SLC39A11: variants seen among roughly 807,000 people sequenced by gnomAD.
The protein encoded by SLC39A11 is zinc transporter ZIP11.
A neutral mutation model predicts 36.1 loss-of-function variants in SLC39A11; 33 were observed. That is an observed-to-expected ratio of 0.91 (90% CI 0.69 to 1.22). SLC39A11 has a LOEUF of 1.22. Among genes scored for constraint, SLC39A11 ranks in the 50% most tolerant of loss-of-function variants. The pLI is 0.00. For missense variants in SLC39A11, 432 were observed against 430.3 expected (o/e 1.00, Z -0.03); for synonymous variants, 166 against 170.3 (o/e 0.97, Z 0.20).
intron 3 of SLC39A11, among the ~76,000 whole-genome samples, chr17:73,037,628 G>A (rs1030422249): frequency 2.6e-5 from 4 of 152,200 alleles, no homozygotes; most frequent in African/African-American, 7.2e-5. Flanking sequence ...GGCCATCGCT[G>A]AAGACACCAG....
chr17:72,873,657 CCT>C (rs760569079), intron 5 of SLC39A11, among the ~76,000 whole-genome samples: 14 of 152,240 alleles, frequency 9.2e-5, no homozygotes, highest in Non-Finnish European at 1.6e-4. Context: ...TTTCCCACCC[CCT>C]GACTCTAGCA....
chr17:72,979,015 C>A (rs1158595369), intron 4 of SLC39A11, among the ~76,000 whole-genome samples: 1 of 152,140 alleles, frequency 6.6e-6, no homozygotes, highest in South Asian at 2.1e-4. Context: ...TGTGTCTCCA[C>A]CCAAATCTCA....
chr17:72,768,081 G>C (rs2075815850), intron 6 of SLC39A11, among the ~76,000 whole-genome samples: 1 of 152,090 alleles, frequency 6.6e-6, no homozygotes, highest in South Asian at 2.1e-4. Context: ...CCCTGGTGGG[G>C]GCCACAGGAG....
chr17:72,672,488 A>G (rs1339153028), intron 7 of SLC39A11, among the ~76,000 whole-genome samples: 1 of 152,234 alleles, frequency 6.6e-6, no homozygotes, highest in Non-Finnish European at 1.5e-5. Context: ...GATTTCATGG[A>G]TAACTCTCAT....
At chr17:72,780,163 A>T (rs1381786439) in intron 6 of SLC39A11, among the ~76,000 whole-genome samples, 2 of 152,160 alleles carry the variant, frequency 1.3e-5, no homozygotes, top group Admixed American at 6.5e-5. Flanking sequence ...TGCTGGGAAG[A>T]GCTGATTAAG....
At chr17:72,772,464 T>G (rs2075981021) in intron 6 of SLC39A11, among the ~76,000 whole-genome samples, 4 of 152,146 alleles carry the variant, frequency 2.6e-5, no homozygotes, top group Admixed American at 2.6e-4. Flanking sequence ...GCATCTTCTA[T>G]CTCTCCGTTA....
At position 72,871,453 on chromosome 17, in the gene SLC39A11, G is replaced by A. The variant is rs575846025; in HGVS notation, c.431-21649C>T. On this transcript the variant is annotated intron_variant, in intron 5 of 9. Transcript: ENST00000255559. ...GGATGGGGGGCGCTGTTTGCCAGGGGAAACAATCATGAGATTAGAGAGTTG... is the reference window on the plus strand; with the variant it reads ...GGATGGGGGGCGCTGTTTGCCAGGGAAAACAATCATGAGATTAGAGAGTTG... 2.0e-5 allele frequency among the ~76,000 whole-genome samples: 3 copies of A among 152,270 alleles called. No individual in the cohort carries two copies. In the South Asian group the frequency reaches 6.2e-4, roughly 32 times the overall value.
intron 6 of SLC39A11, among the ~76,000 whole-genome samples, chr17:72,747,189 A>G (rs1407788589): frequency 1.3e-5 from 2 of 152,140 alleles, no homozygotes; most frequent in African/African-American, 4.8e-5. Flanking sequence ...GATTTATTTA[A>G]TATTTCCATT....
rs138097847 is a variant in SLC39A11, at chr17:72,998,735, C to G, written c.306+32821G>C. On this transcript the variant is annotated intron_variant, in intron 4 of 9. Transcript: ENST00000255559. ...CACATGCAGCTGCTTTGGGGTACAC[C>G]TTGCAGTATGAAACTCATCCAATCA... is the stretch of plus-strand genomic sequence containing the variant. 2.4e-3 allele frequency among the ~76,000 whole-genome samples: 373 copies of G among 152,290 alleles called. 1 individual carries two copies. The highest frequency in any genetic ancestry group is 3.4e-3 in the Non-Finnish European group (233 of 68,028).
At chr17:72,745,168 G>C (rs2014699) in intron 6 of SLC39A11, among the ~76,000 whole-genome samples, 12,945 of 152,264 alleles carry the variant, frequency 0.085, 1,102 homozygotes, top group African/African-American at 0.23. Flanking sequence ...CACAAATGTT[G>C]AGACCACAGC....
At chr17:72,910,503 A>C (rs1358242667) in intron 5 of SLC39A11, among the ~76,000 whole-genome samples, 2 of 151,670 alleles carry the variant, frequency 1.3e-5, no homozygotes, top group Non-Finnish European at 2.9e-5. Context: ...ATGCGCCTAT[A>C]ATCCCAGCTA....
At chr17:72,715,141 A>C (rs1285164286) in intron 7 of SLC39A11, among the ~76,000 whole-genome samples, 1 of 152,210 alleles carries the variant, frequency 6.6e-6, no homozygotes, top group East Asian at 1.9e-4. Context: ...CCCAGCCACG[A>C]AAGGGGCCCC....
chr17:72,866,092 G>A (rs773024018), intron 5 of SLC39A11, among the ~76,000 whole-genome samples: 6 of 152,186 alleles, frequency 3.9e-5, no homozygotes, highest in Non-Finnish European at 8.8e-5. Flanking sequence ...AGCAGGGGGT[G>A]AGCGGCAGGC....
intron 6 of SLC39A11, among the ~76,000 whole-genome samples, chr17:72,758,844 G>A (rs1222791685): frequency 7.9e-5 from 12 of 152,238 alleles, no homozygotes; most frequent in African/African-American, 2.2e-4. Flanking sequence ...TACGCCAACC[G>A]GAACATTCTA....
chr17:72,913,143 G>C (rs2083123061), intron 5 of SLC39A11, among the ~76,000 whole-genome samples: 1 of 151,902 alleles, frequency 6.6e-6, no homozygotes, highest in African/African-American at 2.4e-5. Flanking sequence ...GAGAAAGTTA[G>C]ATAGGAGGTA....
At chr17:72,740,056 C>CTTTTTTTTT (rs386386565) in intron 6 of SLC39A11, among the ~76,000 whole-genome samples, 6,695 of 81,466 alleles carry the variant, frequency 0.082, 432 homozygotes, top group Middle Eastern at 0.1. Context: ...CTTTCCTTTT[C>CTTTTTTTTT]TTTTTTTTTT....
chr17:73,054,431 T>C (rs1312756198), intron 3 of SLC39A11, among the ~76,000 whole-genome samples: 2 of 151,590 alleles, frequency 1.3e-5, no homozygotes, highest in Non-Finnish European at 2.9e-5. Context: ...ACTTTAAAAA[T>C]ATTTTTGGAT....
intron 7 of SLC39A11, among the ~76,000 whole-genome samples, chr17:72,657,454 A>C (rs1312140699): frequency 6.6e-6 from 1 of 152,180 alleles, no homozygotes; most frequent in Non-Finnish European, 1.5e-5. Flanking sequence ...AAGAAGGAAG[A>C]CTACAGAAGA....
chr17:72,790,316 C>A (rs2076657402), intron 6 of SLC39A11, among the ~76,000 whole-genome samples: 1 of 152,080 alleles, frequency 6.6e-6, no homozygotes, highest in African/African-American at 2.4e-5. Flanking sequence ...GAAATACAAA[C>A]CATGTGACCT....
Sources: gnomAD v4.1 joint callset for allele counts (sites outside exome capture counted in the v4.1 genomes callset) on GRCh38, gnomAD v4.1.1 for gene constraint, MANE v1.5 for transcripts, NCBI Gene and HGNC (gene_info 2026-07-23, HGNC 2026-07-21) for gene names.